The following FNTB variants were observed in gnomAD, a reference collection of about 807,000 sequenced individuals.
FNTB encodes the protein protein farnesyltransferase subunit beta.
A neutral mutation model predicts 59.4 loss-of-function variants in FNTB; 27 were observed. The observed-to-expected ratio is 0.45, with a 90% CI of 0.34 to 0.63. The LOEUF (loss-of-function observed/expected upper bound fraction) is 0.63. Ranked by LOEUF, FNTB falls within the 20% of genes least tolerant of loss-of-function variation. The probability of loss-of-function intolerance (pLI) is 0.02; values close to 1 mark genes in which losing one functional copy is unlikely to be tolerated. For missense variants in FNTB, 449 were observed against 559.6 expected, an observed-to-expected ratio of 0.80 and a Z score of 1.99; for synonymous variants, 230 against 220.7, an observed-to-expected ratio of 1.04 and a Z score of -0.37.
intron 2 of FNTB, among the ~76,000 whole-genome samples, chr14:65,008,506 A>G (rs182078809): frequency 6.6e-6 from 1 of 152,360 alleles, no homozygotes; most frequent in African/African-American, 2.4e-5. Flanking sequence ...ATATACAGTT[A>G]CCGATGGGAT....
rs188879845 is a variant in FNTB, at chr14:64,991,427, C to T, written c.144+4330C>T. On this transcript the variant is annotated intron_variant, in intron 1 of 11. Coordinates refer to ENST00000246166, the MANE Select transcript of FNTB (RefSeq NM_002028.4). The surrounding 1 kb of genome is among the most constrained non-coding windows in gnomAD (Gnocchi z 4.4). Reference sequence around the variant, plus strand: ...GACCAGCCTAGCCAACATGGTGAAACCTCATCTCTACTAAAAAAATACAAA... The same window carrying T: ...GACCAGCCTAGCCAACATGGTGAAATCTCATCTCTACTAAAAAAATACAAA... Among the ~76,000 whole-genome samples, 784 of 152,026 alleles carry T rather than the reference C, an allele frequency of 5.2e-3. 6 individuals are homozygous for T. The highest frequency in any genetic ancestry group is 0.02 in the South Asian group (95 of 4,814).
In FNTB at chr14:65,012,513, C is replaced by T; in HGVS notation, c.282+124C>T. On this transcript the variant is annotated intron_variant, in intron 3 of 11. Coordinates refer to ENST00000246166, the MANE Select transcript of FNTB (RefSeq NM_002028.4). This position sits in a 1 kb window ranked among gnomAD's most constrained non-coding sequence, Gnocchi z 5.0. ...CAGAGTCACTCTTTGTTCTCTGTGG[C>T]TCTGGCAGGAGGTAGGGTGCTGTCA... The T allele has an allele frequency of 7.6e-7, 1 of 1,321,892 alleles. No homozygotes were observed. The highest frequency in any genetic ancestry group is 2.6e-5 in the East Asian group (1 of 39,042). The allele number at this position is 1,321,892 out of a possible 1,614,324, so 81.9% of individuals were successfully genotyped here.
intron 4 of FNTB, among the ~76,000 whole-genome samples, chr14:65,017,929 C>T (rs765093338): frequency 7.3e-5 from 11 of 151,720 alleles, no homozygotes; most frequent in Non-Finnish European, 1.6e-4. Flanking sequence ...CACTCCAGTC[C>T]GGGCAACAGA....
At chr14:65,024,318 G>A (rs1328348442) in intron 4 of FNTB, among the ~76,000 whole-genome samples, 2 of 144,734 alleles carry the variant, frequency 1.4e-5, no homozygotes, top group Admixed American at 1.4e-4. Context: ...GGTGTGGCTT[G>A]GGTGTTGGGA....
chr14:65,060,123 G>A (rs561251898), intron 11 of FNTB, among the ~76,000 whole-genome samples: 3 of 151,312 alleles, frequency 2.0e-5, no homozygotes, highest in Non-Finnish European at 2.9e-5. Context: ...ATGAGCCACC[G>A]CGTCCGGCCC....
chr14:64,999,947 G>A (rs1441324477), intron 1 of FNTB, among the ~76,000 whole-genome samples: 1 of 151,998 alleles, frequency 6.6e-6, no homozygotes, highest in East Asian at 1.9e-4. Flanking sequence ...ATATTTCCAT[G>A]TTTTTGTCAG....
At chr14:64,989,128 C>G (rs1888077039) in intron 1 of FNTB, among the ~76,000 whole-genome samples, 1 of 152,044 alleles carries the variant, frequency 6.6e-6, no homozygotes. Flanking sequence ...CTTCCATTTA[C>G]TGATAGCTCA....
chr14:64,993,631 GGCA>G (rs1279306724), intron 1 of FNTB, among the ~76,000 whole-genome samples: 1 of 152,044 alleles, frequency 6.6e-6, no homozygotes, highest in Non-Finnish European at 1.5e-5. Context: ...ATGAATCTTA[GGCA>G]GCAAATCTAC....
intron 1 of FNTB, among the ~76,000 whole-genome samples, chr14:64,989,060 T>A (rs1888073254): frequency 6.6e-6 from 1 of 152,140 alleles, no homozygotes; most frequent in Admixed American, 6.5e-5. Context: ...AGTAACAACC[T>A]TGTTAGGAGG....
At chr14:65,016,071 C>G (rs2061767398) in intron 4 of FNTB, among the ~76,000 whole-genome samples, 1 of 152,206 alleles carries the variant, frequency 6.6e-6, no homozygotes, top group Non-Finnish European at 1.5e-5. Context: ...TGTGGGGAAG[C>G]ACGTGCCAGT....
rs925809824 is a variant in FNTB, at chr14:65,053,408, C to T, written c.1067+59C>T. Reference sequence around the variant, plus strand: ...GGGGAGGAGAGAGCAGAGGGGCGTGCACCTCAGGCCTACTCAGAGCCAGAT... The same window carrying T: ...GGGGAGGAGAGAGCAGAGGGGCGTGTACCTCAGGCCTACTCAGAGCCAGAT... On this transcript the variant is annotated intron_variant, in intron 10 of 11. Coordinates refer to ENST00000246166, the MANE Select transcript of FNTB (RefSeq NM_002028.4). 6.2e-6 allele frequency: 8 copies of T among 1,281,150 alleles called. No homozygotes were observed. The East Asian group carries it at 8.7e-5, about 14-fold the overall frequency. 79.4% of individuals were successfully genotyped at this position (1,281,150 alleles called of 1,614,324 possible).
chr14:65,048,174 G>A (rs2062526746), intron 9 of FNTB, among the ~76,000 whole-genome samples: 1 of 151,560 alleles, frequency 6.6e-6, no homozygotes, highest in Admixed American at 6.6e-5. Flanking sequence ...GTAGAGACAG[G>A]ATATGACTAT....
Position 65,037,403 on chromosome 14 carries a change from C to CTTTTTTTTTTTTTTTTTTT in FNTB, c.693-3362_693-3344dup, listed in dbSNP as rs1555335876. Among the ~76,000 whole-genome samples, 17 of 29,678 alleles carry CTTTTTTTTTTTTTTTTTTT rather than the reference C, an allele frequency of 5.7e-4. 4 individuals are homozygous for CTTTTTTTTTTTTTTTTTTT. Among genetic ancestry groups the CTTTTTTTTTTTTTTTTTTT allele is most frequent in the Admixed American group, 2.1e-3 (5 of 2,374 alleles). 19.5% of individuals were successfully genotyped at this position (29,678 alleles called of 152,430 possible). On this transcript the variant is annotated intron_variant, in intron 7 of 11. Coordinates refer to ENST00000246166, the MANE Select transcript of FNTB (RefSeq NM_002028.4). The stretch of plus-strand genomic sequence containing the variant: ...TAGGCGTGAGCCACCACGCCGGGCC[C>CTTTTTTTTTTTTTTTTTTT]TTTTTTTTTTTTTTTTTTTTTTTTT...
intron 8 of FNTB, among the ~76,000 whole-genome samples, chr14:65,042,687 A>G (rs991976824): frequency 1.3e-5 from 2 of 152,216 alleles, no homozygotes; most frequent in Admixed American, 6.5e-5. Flanking sequence ...TATCTGAAGT[A>G]TGAATTCCTA....
chr14:65,060,422 C>T (rs1456197216), intron 11 of FNTB, among the ~76,000 whole-genome samples: 1 of 145,846 alleles, frequency 6.9e-6, no homozygotes, highest in Non-Finnish European at 1.5e-5. Flanking sequence ...AACCCTGTCT[C>T]TACTAAAAAT....
chr14:65,053,982 C>T (rs1446835693), intron 10 of FNTB, among the ~76,000 whole-genome samples: 1 of 152,110 alleles, frequency 6.6e-6, no homozygotes, highest in African/African-American at 2.4e-5. Flanking sequence ...AGAGCCCTTT[C>T]CAGAAGACAG....
chr14:65,012,234 C>T lies in FNTB; in HGVS notation c.210-83C>T. 6.5e-7 allele frequency: 1 copy of T among 1,540,444 alleles called. No homozygotes were observed. The highest frequency in any genetic ancestry group is 8.9e-7 in the Non-Finnish European group (1 of 1,117,326). ...GGACGTCCTGAAGCTGAGTGTTTAC[C>T]CGTGTGTGTGTACGTGCACATACGT... is the stretch of plus-strand genomic sequence containing the variant. On this transcript the variant is annotated intron_variant, in intron 2 of 11. Transcript: ENST00000246166. This position sits in a 1 kb window ranked among gnomAD's most constrained non-coding sequence, Gnocchi z 5.0.
chr14:65,042,871 G>T (rs1185208633), intron 8 of FNTB, among the ~76,000 whole-genome samples: 4 of 152,212 alleles, frequency 2.6e-5, no homozygotes, highest in African/African-American at 9.6e-5. Flanking sequence ...CATGCTGGAA[G>T]CCCTGGTTCA....
At chr14:65,005,461 CTTTCTTTCTT>C (rs1566864817) in intron 2 of FNTB, among the ~76,000 whole-genome samples, 3 of 111,824 alleles carry the variant, frequency 2.7e-5, no homozygotes, top group Admixed American at 1.0e-4. Flanking sequence ...TTCTTTCTTT[CTTTCTTTCTT>C]TCTTTCTTTC....
Sources: gnomAD v4.1 joint callset for allele counts (sites outside exome capture counted in the v4.1 genomes callset) on GRCh38, gnomAD v4.1.1 for gene constraint, Gnocchi (gnomAD v3.1) non-coding constraint, MANE v1.5 for transcripts, NCBI Gene and HGNC (gene_info 2026-07-23, HGNC 2026-07-21) for gene names.